Variants in MDN1 observed in about 807,000 individuals in gnomAD.
MDN1 encodes the protein midasin.
MDN1 carries 266 observed loss-of-function variants against 669.2 expected under a neutral mutation model. That is an observed-to-expected ratio of 0.40 (90% CI 0.36 to 0.44). The LOEUF is 0.44. MDN1 is among the 20% of genes least tolerant of loss of function. The probability of loss-of-function intolerance (pLI) is 1.00; values close to 1 mark genes in which losing one functional copy is unlikely to be tolerated. For synonymous variants in MDN1, 2,385 were observed against 2,457.1 expected, an observed-to-expected ratio of 0.97 and a Z score of 0.87; for missense variants, 5,940 against 6,754.0, an observed-to-expected ratio of 0.88 and a Z score of 4.22.
chr6:89,740,097 A>G (rs1816202504), intron 32 of MDN1, 137 bp downstream of exon 32: 1 of 934,522 alleles, frequency 1.1e-6, no homozygotes, highest in Non-Finnish European at 1.5e-6. Flanking sequence ...ATTTTAAAAT[A>G]TTTTTGAGTT....
At chr6:89,663,313 A>G (rs1809940891) in intron 85 of MDN1, among the ~76,000 whole-genome samples, 1 of 152,156 alleles carries the variant, frequency 6.6e-6, no homozygotes, top group African/African-American at 2.4e-5. Context: ...GGTGGTTTCC[A>G]TGGGTCCTCC....
Sources: allele counts gnomAD v4.1 joint callset (sites outside exome capture counted in the v4.1 genomes callset), GRCh38; gene constraint gnomAD v4.1.1; transcripts MANE v1.5; gene names NCBI Gene and HGNC (gene_info 2026-07-23, HGNC 2026-07-21).